FRMD4B: variants seen among roughly 807,000 people sequenced by gnomAD.
FRMD4B encodes FERM domain containing 4B.
In FRMD4B, 74 loss-of-function variants were observed where a neutral mutation model predicts 141.5. The ratio of observed to expected loss-of-function variants is 0.52; its 90% CI spans 0.43 to 0.63. The LOEUF is 0.63. Ranked by LOEUF, FRMD4B falls within the 30% of genes least tolerant of loss-of-function variation. The pLI is 0.00. For missense variants in FRMD4B, 1,366 were observed against 1,253.4 expected, an observed-to-expected ratio of 1.09 and a Z score of -1.36; for synonymous variants, 506 against 467.9, an observed-to-expected ratio of 1.08 and a Z score of -1.05.
intron 1 of FRMD4B, among the ~76,000 whole-genome samples, chr3:69,534,792 T>C (rs1397435304): frequency 6.6e-6 from 1 of 152,212 alleles, no homozygotes; most frequent in Non-Finnish European, 1.5e-5. Flanking sequence ...ACTTGTTAAT[T>C]TCATTAAATC....
At chr3:69,322,926 C>T (rs1702059820) in intron 1 of FRMD4B, 1 of 342,536 alleles carries the variant, frequency 2.9e-6, no homozygotes, top group African/African-American at 2.2e-5. Context: ...CTGAAGTGCA[C>T]AGAGGTTAAG....
At chr3:69,517,273 G>A (rs1700777736) in intron 1 of FRMD4B, among the ~76,000 whole-genome samples, 1 of 152,098 alleles carries the variant, frequency 6.6e-6, no homozygotes, top group South Asian at 2.1e-4. Context: ...TCAATAATAT[G>A]CAATATGTAC....
At chr3:69,340,264 G>T (rs1182682933) in intron 1 of FRMD4B, among the ~76,000 whole-genome samples, 1 of 151,994 alleles carries the variant, frequency 6.6e-6, no homozygotes, top group African/African-American at 2.4e-5. Flanking sequence ...TTGTCACACA[G>T]GTGCTAAGCA....
chr3:69,293,211 A>G (rs1389997068), intron 4 of FRMD4B: 1 of 282,072 alleles, frequency 3.5e-6, no homozygotes, highest in Non-Finnish European at 7.1e-6. Flanking sequence ...GTTGTTTGGA[A>G]GTGGCTGTCC....
At chr3:69,461,637 A>AAAAAG (rs1220899361) in intron 1 of FRMD4B, among the ~76,000 whole-genome samples, 2 of 148,990 alleles carry the variant, frequency 1.3e-5, no homozygotes, top group Middle Eastern at 3.5e-3. Flanking sequence ...AAAAAAAAAA[A>AAAAAG]AAAAAAAAAA....
At chr3:69,488,989 T>C (rs1475740488) in intron 1 of FRMD4B, among the ~76,000 whole-genome samples, 1 of 151,554 alleles carries the variant, frequency 6.6e-6, no homozygotes, top group Non-Finnish European at 1.5e-5. Context: ...CAACAATTCC[T>C]TAGATGTGAC....
intron 2 of FRMD4B, among the ~76,000 whole-genome samples, chr3:69,398,818 T>C (rs2106745129): frequency 6.6e-6 from 1 of 152,294 alleles, no homozygotes; most frequent in Non-Finnish European, 1.5e-5. Flanking sequence ...TTCTGCCCTT[T>C]TCCCCTGCCC....
Position 69,530,000 on chromosome 3 carries a change from A to G in FRMD4B, c.-129+12206T>C, listed in dbSNP as rs549338021. Among the ~76,000 whole-genome samples the G allele has an allele frequency of 5.9e-5, 9 of 152,326 alleles. No individual in the cohort carries two copies. In the South Asian group the frequency reaches 1.9e-3, roughly 32 times the overall value. On this transcript the variant is annotated intron_variant, in intron 1 of 5. Coordinates refer to the FRMD4B transcript ENST00000459638. ...ACCCTGATTGGTCCTTTTTCCCATG[A>G]TAACAGGAATTGGCAAAGCACAGGC... is the stretch of plus-strand genomic sequence containing the variant.
intron 1 of FRMD4B, among the ~76,000 whole-genome samples, chr3:69,465,680 G>A (rs6549223): frequency 6.6e-6 from 1 of 151,780 alleles, no homozygotes; most frequent in Non-Finnish European, 1.5e-5. Context: ...TGAGAATGAT[G>A]GTTTCCAGCT....
At chr3:69,336,295 G>C (rs755122653) in intron 1 of FRMD4B, among the ~76,000 whole-genome samples, 1 of 152,188 alleles carries the variant, frequency 6.6e-6, no homozygotes, top group Admixed American at 6.5e-5. Flanking sequence ...TAGGAATAGA[G>C]AGTGGCACCC....
chr3:69,393,211 G>A (rs1704415577), intron 2 of FRMD4B, among the ~76,000 whole-genome samples: 2 of 152,072 alleles, frequency 1.3e-5, no homozygotes, highest in South Asian at 2.1e-4. Context: ...GGGGGTGTAG[G>A]AGGGGGAAGT....
intron 5 of FRMD4B, among the ~76,000 whole-genome samples, chr3:69,277,728 C>T (rs1403788005): frequency 6.6e-6 from 1 of 152,030 alleles, no homozygotes; most frequent in African/African-American, 2.4e-5. Flanking sequence ...GACCGGGTTT[C>T]ACCATATTGG....
intron 2 of FRMD4B, among the ~76,000 whole-genome samples, chr3:69,408,198 A>T (rs528759099): frequency 6.6e-6 from 1 of 152,212 alleles, no homozygotes; most frequent in African/African-American, 2.4e-5. Context: ...AGGTGAAATC[A>T]GGGGAAAATT....
chr3:69,248,576 A>T (rs1293925229), intron 7 of FRMD4B, among the ~76,000 whole-genome samples: 1 of 152,220 alleles, frequency 6.6e-6, no homozygotes, highest in African/African-American at 2.4e-5. Flanking sequence ...CCAGGCTTTC[A>T]AAGGGGTCAT....
chr3:69,494,459 G>T (rs1260353805), intron 1 of FRMD4B, among the ~76,000 whole-genome samples: 3 of 152,206 alleles, frequency 2.0e-5, no homozygotes, highest in South Asian at 4.1e-4. Context: ...TCCAGAAAGG[G>T]TCAGTGTTCC....
intron 1 of FRMD4B, among the ~76,000 whole-genome samples, chr3:69,532,440 G>A (rs1559555109): frequency 6.6e-6 from 1 of 152,190 alleles, no homozygotes; most frequent in Non-Finnish European, 1.5e-5. Flanking sequence ...ACAAAGTGCA[G>A]GGTGCACACT....
chr3:69,519,119 T>C (rs1268073817), intron 1 of FRMD4B, among the ~76,000 whole-genome samples: 1 of 152,226 alleles, frequency 6.6e-6, no homozygotes, highest in African/African-American at 2.4e-5. Context: ...TTGTTTGTTT[T>C]TAACTTCAGC....
intron 2 of FRMD4B, among the ~76,000 whole-genome samples, chr3:69,427,330 GT>G (rs918235514): frequency 6.7e-6 from 1 of 148,360 alleles, no homozygotes; most frequent in East Asian, 1.9e-4. Flanking sequence ...TAATATACCT[GT>G]TTTTTTGGCA....
intron 1 of FRMD4B, among the ~76,000 whole-genome samples, chr3:69,540,660 T>TATATACAC (rs1241897477): frequency 6.0e-4 from 34 of 56,862 alleles, no homozygotes; most frequent in African/African-American, 3.2e-3. Flanking sequence ...TATATATATA[T>TATATACAC]ACACACACAC....
Sources: gnomAD v4.1 joint callset for allele counts (sites outside exome capture counted in the v4.1 genomes callset) on GRCh38, gnomAD v4.1.1 for gene constraint, MANE v1.5 for transcripts, NCBI Gene and HGNC (gene_info 2026-07-23, HGNC 2026-07-21) for gene names.